Variants in CDH13 observed in about 807,000 individuals in gnomAD.
CDH13 encodes the protein cadherin 13, also known as cadherin-13.
In CDH13, 24 loss-of-function variants were observed where a neutral mutation model predicts 63.8. The ratio of observed to expected loss-of-function variants is 0.38; its 90% CI spans 0.27 to 0.53. The LOEUF (loss-of-function observed/expected upper bound fraction) is 0.53, where lower values mean the gene tolerates loss of function less well. Ranked by LOEUF, CDH13 falls within the 20% of genes least tolerant of loss-of-function variation. The pLI is 0.85. For synonymous variants in CDH13, 503 were observed against 355.3 expected (o/e 1.42, Z -4.67); for missense variants, 1,049 against 903.1 (o/e 1.16, Z -2.07).
intron 3 of CDH13, among the ~76,000 whole-genome samples, chr16:83,113,851 G>A (rs191075494): frequency 6.6e-6 from 1 of 152,282 alleles, no homozygotes; most frequent in East Asian, 1.9e-4. Context: ...TAGCACTTGA[G>A]GTCAGAGTGG....
At chr16:83,561,073 C>G (rs945758096) in intron 7 of CDH13, among the ~76,000 whole-genome samples, 1 of 152,108 alleles carries the variant, frequency 6.6e-6, no homozygotes, top group African/African-American at 2.4e-5. Flanking sequence ...GACTCCCAAA[C>G]CAATAAACCA....
At chr16:82,948,644 A>G (rs1223283085) in intron 2 of CDH13, among the ~76,000 whole-genome samples, 1 of 152,216 alleles carries the variant, frequency 6.6e-6, no homozygotes, top group African/African-American at 2.4e-5. Context: ...GTTCCAGGAC[A>G]CAGCCTAATG....
intron 7 of CDH13, among the ~76,000 whole-genome samples, chr16:83,590,903 CTTTTTTTTTTTTTTT>C (rs34324940): frequency 5.6e-5 from 5 of 88,856 alleles, no homozygotes; most frequent in Admixed American, 1.3e-4. Context: ...CCAGGGGATT[CTTTTTTTTTTTTTTT>C]TTTTTTTTTG....
At chr16:82,634,480 T>G (rs953182853) in intron 1 of CDH13, among the ~76,000 whole-genome samples, 1 of 152,212 alleles carries the variant, frequency 6.6e-6, no homozygotes, top group Non-Finnish European at 1.5e-5. Context: ...TCAACTGCCA[T>G]CAGCCGTCGG....
intron 2 of CDH13, among the ~76,000 whole-genome samples, chr16:83,014,774 A>G (rs58230438): frequency 0.16 from 5,794 of 36,132 alleles, 946 homozygotes; most frequent in East Asian, 0.42. Flanking sequence ...ATATATATAT[A>G]TGTATATATA....
At chr16:83,410,628 T>C (rs1462286895) in intron 6 of CDH13, among the ~76,000 whole-genome samples, 1 of 152,222 alleles carries the variant, frequency 6.6e-6, no homozygotes, top group Non-Finnish European at 1.5e-5. Flanking sequence ...TCCTTCCTTC[T>C]TTTATGTCTT....
chr16:83,437,640 G>A (rs960134101), intron 6 of CDH13, among the ~76,000 whole-genome samples: 4 of 151,944 alleles, frequency 2.6e-5, no homozygotes, highest in Admixed American at 2.6e-4. Context: ...TCATGCCACT[G>A]CACTCCAGCC....
chr16:83,684,239 C>A (rs980083465), intron 10 of CDH13, among the ~76,000 whole-genome samples: 3 of 152,028 alleles, frequency 2.0e-5, no homozygotes, highest in African/African-American at 4.8e-5. Flanking sequence ...TGGTGGTGTA[C>A]CCCTGTAATC....
At chr16:82,697,551 C>G (rs1448743503) in intron 1 of CDH13, among the ~76,000 whole-genome samples, 1 of 150,324 alleles carries the variant, frequency 6.7e-6, no homozygotes, top group Non-Finnish European at 1.5e-5. Flanking sequence ...GCCTCAGCCT[C>G]CTGAGTAGCT....
chr16:83,560,035 G>A (rs7190582), intron 7 of CDH13, among the ~76,000 whole-genome samples: 1 of 152,038 alleles, frequency 6.6e-6, no homozygotes, highest in Middle Eastern at 3.2e-3. Flanking sequence ...AACCCTCATC[G>A]CTTCAACTTC....
At chr16:83,103,202 C>G (rs965272134) in intron 3 of CDH13, among the ~76,000 whole-genome samples, 3 of 149,228 alleles carry the variant, frequency 2.0e-5, no homozygotes, top group African/African-American at 7.4e-5. Flanking sequence ...ATCCACCCAC[C>G]TCAACCTCCC....
chr16:82,753,333 G>A (rs998360642), intron 1 of CDH13, among the ~76,000 whole-genome samples: 1 of 152,044 alleles, frequency 6.6e-6, no homozygotes, highest in Non-Finnish European at 1.5e-5. Flanking sequence ...ATCTGTCCTT[G>A]GCTTCATTTT....
intron 6 of CDH13, among the ~76,000 whole-genome samples, chr16:83,376,827 C>T (rs1350286259): frequency 1.3e-5 from 2 of 152,134 alleles, no homozygotes; most frequent in Non-Finnish European, 2.9e-5. Flanking sequence ...AGAAGTGACA[C>T]TCTGCCACTT....
intron 4 of CDH13, among the ~76,000 whole-genome samples, chr16:83,200,518 A>C (rs1246661745): frequency 6.6e-6 from 1 of 152,108 alleles, no homozygotes; most frequent in African/African-American, 2.4e-5. Flanking sequence ...CCCTGTCTAC[A>C]CGTAGCCTCT....
At chr16:83,335,434 T>G (rs1444675676) in intron 5 of CDH13, among the ~76,000 whole-genome samples, 1 of 152,074 alleles carries the variant, frequency 6.6e-6, no homozygotes, top group East Asian at 1.9e-4. Context: ...CTTACAGTCA[T>G]GTTTAGCTGG....
chr16:83,416,560 C>T (rs544330508), intron 6 of CDH13, among the ~76,000 whole-genome samples: 1 of 152,298 alleles, frequency 6.6e-6, no homozygotes, highest in Admixed American at 6.5e-5. Flanking sequence ...AACTGCCATG[C>T]CCACAGGTCG....
chr16:82,946,154 T>C (rs540416632), intron 2 of CDH13, among the ~76,000 whole-genome samples: 39 of 151,702 alleles, frequency 2.6e-4, no homozygotes, highest in African/African-American at 9.4e-4. Flanking sequence ...ATACTAGATT[T>C]CCATAACTAT....
chr16:82,748,885 T>G (rs2034292862), intron 1 of CDH13, among the ~76,000 whole-genome samples: 1 of 152,218 alleles, frequency 6.6e-6, no homozygotes, highest in Non-Finnish European at 1.5e-5. Flanking sequence ...TGTGCCTTGG[T>G]CATCCCAACA....
chr16:83,259,518 T>G (rs1394831538), intron 5 of CDH13, among the ~76,000 whole-genome samples: 1 of 152,178 alleles, frequency 6.6e-6, no homozygotes, highest in South Asian at 2.1e-4. Context: ...GTTGATTACA[T>G]TATGTTACAA....
Sources: gnomAD v4.1 joint callset for allele counts (sites outside exome capture counted in the v4.1 genomes callset) on GRCh38, gnomAD v4.1.1 for gene constraint, MANE v1.5 for transcripts, NCBI Gene and HGNC (gene_info 2026-07-23, HGNC 2026-07-21) for gene names.